Variants in CLCN3 observed in about 807,000 individuals in gnomAD.
CLCN3 encodes the protein Cl-/H+ antiporter 3.
In CLCN3, 16 loss-of-function variants were observed where a neutral mutation model predicts 83.4. The ratio of observed to expected loss-of-function variants is 0.19; its 90% CI spans 0.13 to 0.29. CLCN3 has a LOEUF of 0.29. Ranked by LOEUF, CLCN3 falls within the 10% of genes least tolerant of loss-of-function variation. The probability of loss-of-function intolerance (pLI) is 1.00; values close to 1 mark genes in which losing one functional copy is unlikely to be tolerated. For missense variants in CLCN3, 544 were observed against 1,006.0 expected (o/e 0.54, Z 6.21); for synonymous variants, 322 against 346.2 (o/e 0.93, Z 0.78).
intron 3 of CLCN3, among the ~76,000 whole-genome samples, chr4:169,683,949 G>A (rs1232466640): frequency 6.6e-6 from 1 of 152,020 alleles, no homozygotes; most frequent in East Asian, 1.9e-4. Flanking sequence ...CGCCATGTTG[G>A]CCAGGCTGGT....
At chr4:169,685,644 G>A (rs1241840350) in intron 3 of CLCN3, among the ~76,000 whole-genome samples, 1 of 152,118 alleles carries the variant, frequency 6.6e-6, no homozygotes, top group Non-Finnish European at 1.5e-5. Context: ...GAACGGTGAT[G>A]ATTGAACTCT....
At chr4:169,670,470 T>A (rs562918142) in intron 2 of CLCN3, among the ~76,000 whole-genome samples, 2 of 152,182 alleles carry the variant, frequency 1.3e-5, no homozygotes, top group Non-Finnish European at 2.9e-5. Context: ...GTTCCGTTGG[T>A]CTGTATATGT....
intron 3 of CLCN3, chr4:169,680,821 A>G (rs1466879): frequency 0.96 from 145,855 of 152,302 alleles, 70,141 homozygotes; most frequent in Middle Eastern, 1. Context: ...TACTGATAAT[A>G]TAATCCAAAA....
intron 1 of CLCN3, among the ~76,000 whole-genome samples, chr4:169,625,639 C>T (rs912923011): frequency 3.9e-5 from 6 of 152,146 alleles, no homozygotes; most frequent in African/African-American, 1.4e-4. Context: ...CTGTGAGTTG[C>T]AGGAGACTGA....
intron 1 of CLCN3, 51 bp from the exon 2 acceptor site, chr4:169,635,862 A>T (rs1019382194): frequency 3.5e-5 from 49 of 1,417,864 alleles, no homozygotes; most frequent in Admixed American, 7.3e-5. Flanking sequence ...AAACTAGATG[A>T]TTTTTATTGT....
chr4:169,665,961 C>T (rs747567884), intron 2 of CLCN3, among the ~76,000 whole-genome samples: 1 of 150,502 alleles, frequency 6.6e-6, no homozygotes, highest in Non-Finnish European at 1.5e-5. Flanking sequence ...GTTTAAGGCG[C>T]AGCAATTAAG....
intron 9 of CLCN3, among the ~76,000 whole-genome samples, chr4:169,703,161 T>C (rs1732863046): frequency 6.6e-6 from 1 of 152,180 alleles, no homozygotes; most frequent in Admixed American, 6.5e-5. Flanking sequence ...TTTCAAAGTA[T>C]TGAGAGAATT....
Position 169,676,567 on chromosome 4 carries a change from G to A in CLCN3, c.161-3483G>A, listed in dbSNP as rs1213236420. On this transcript the variant is annotated intron_variant, in intron 2 of 12. Transcript: ENST00000513761. The stretch of plus-strand genomic sequence containing the variant: ...TGGCCCGGTTGAAATGCAGTGGCAC[G>A]ACGACCAACCTGGGCTCAAGCAATT... Among the ~76,000 whole-genome samples the A allele has an allele frequency of 2.0e-5, 3 of 150,490 alleles. No homozygotes were observed. The East Asian group carries it at 5.8e-4, about 29-fold the overall frequency.
At chr4:169,681,657 G>T (rs1731942361) in intron 3 of CLCN3, among the ~76,000 whole-genome samples, 1 of 151,930 alleles carries the variant, frequency 6.6e-6, no homozygotes, top group Non-Finnish European at 1.5e-5. Flanking sequence ...TGTTTACGTG[G>T]TTTTTATCAA....
At chr4:169,666,717 AT>A (rs1283354255) in intron 2 of CLCN3, among the ~76,000 whole-genome samples, 3 of 152,210 alleles carry the variant, frequency 2.0e-5, no homozygotes, top group Admixed American at 6.5e-5. Flanking sequence ...CAATGAAATT[AT>A]TTTAGTGACT....
chr4:169,719,970 A>C lies in CLCN3; in HGVS notation c.2430A>C (p.Gln810His). Residue 810 changes from glutamine to histidine, a missense_variant, in exon 13 of 13, where the codon CAA (glutamine) becomes CAC (histidine). By Grantham distance (24) the Gln-to-His change is conservative. Coordinates refer to ENST00000513761, the MANE Select transcript of CLCN3 (RefSeq NM_001829.4). ...ILRHMAQTAN[Q>H]DPASIMFN ...GGCATATGGCCCAGACGGCAAACCAAGACCCCGCTTCAATAATGTTCAACT... is the reference window on the plus strand; with the variant it reads ...GGCATATGGCCCAGACGGCAAACCACGACCCCGCTTCAATAATGTTCAACT... 3 of 1,614,068 alleles carry C rather than the reference A, an allele frequency of 1.9e-6. No homozygotes were observed. Among genetic ancestry groups the C allele is most frequent in the Non-Finnish European group, 2.5e-6 (3 of 1,179,914 alleles).
At chr4:169,658,238 A>G (rs1730943384) in intron 2 of CLCN3, among the ~76,000 whole-genome samples, 1 of 147,386 alleles carries the variant, frequency 6.8e-6, no homozygotes, top group Admixed American at 6.8e-5. Flanking sequence ...AATTATATAG[A>G]TATATATTAT....
intron 2 of CLCN3, 24 bp from the exon 3 acceptor site, chr4:169,680,026 C>T (rs1414791046): frequency 5.7e-6 from 9 of 1,588,058 alleles, no homozygotes; most frequent in South Asian, 1.1e-5. Context: ...AAAACATACT[C>T]ATCTTTCCTT....
intron 1 of CLCN3, among the ~76,000 whole-genome samples, chr4:169,631,731 A>G (rs946897614): frequency 2.0e-5 from 3 of 152,236 alleles, no homozygotes; most frequent in African/African-American, 7.2e-5. Flanking sequence ...AATCAGAAAC[A>G]ACAAAGGTGA....
Position 169,628,338 on chromosome 4 carries a change from C to T in CLCN3, c.-17+7275C>T, listed in dbSNP as rs148919827. On this transcript the variant is annotated intron_variant, in intron 1 of 12. Transcript: ENST00000513761. The stretch of plus-strand genomic sequence containing the variant: ...TTCATCAAAATTAAGTATTTTTGCT[C>T]TGTTATAGACCCTGTTAAAAAGATG... 8.9e-4 allele frequency among the ~76,000 whole-genome samples: 135 copies of T among 152,160 alleles called. 1 individual carries two copies. The East Asian group carries it at 9.3e-3, about 10-fold the overall frequency.
chr4:169,697,680 A>G lies in CLCN3; in HGVS notation c.1509A>G (p.Leu503=), dbSNP rs771646675. ...GIGVYSAIWQ[L]CLALIFKIIM... The stretch of plus-strand genomic sequence containing the variant: ...GAGTATATTCAGCTATATGGCAGTT[A>G]TGCCTGGCACTCATATTTAAAATCA... Residue 503 remains leucine, a synonymous_variant, in exon 9 of 13, where the codon TTA becomes TTG. Transcript: ENST00000513761. 9.9e-6 allele frequency: 16 copies of G among 1,613,600 alleles called. No individual in the cohort carries two copies. Among genetic ancestry groups the G allele is most frequent in the Non-Finnish European group, 1.4e-5 (16 of 1,179,776 alleles).
chr4:169,623,192 A>C (rs1773149511), intron 1 of CLCN3, among the ~76,000 whole-genome samples: 1 of 152,118 alleles, frequency 6.6e-6, no homozygotes, highest in African/African-American at 2.4e-5. Flanking sequence ...AATCATGAAG[A>C]CTATTTAGTT....
chr4:169,623,747 A>G (rs1393966461), intron 1 of CLCN3, among the ~76,000 whole-genome samples: 1 of 151,572 alleles, frequency 6.6e-6, no homozygotes, highest in East Asian at 1.9e-4. Context: ...GATTTTACAC[A>G]TATGTGAGAT....
intron 12 of CLCN3, among the ~76,000 whole-genome samples, chr4:169,713,893 C>G (rs1733322929): frequency 6.6e-6 from 1 of 152,156 alleles, no homozygotes; most frequent in African/African-American, 2.4e-5. Flanking sequence ...AATAAATACT[C>G]ATGTATTTAA....
Sources: gnomAD v4.1 joint callset for allele counts (sites outside exome capture counted in the v4.1 genomes callset) on GRCh38, gnomAD v4.1.1 for gene constraint, MANE v1.5 for transcripts, NCBI Gene and HGNC (gene_info 2026-07-23, HGNC 2026-07-21) for gene names.